PRKCH: variants seen among roughly 807,000 people sequenced by gnomAD.
PRKCH encodes protein kinase C eta.
Under a neutral mutation model 82.5 loss-of-function variants are expected in PRKCH, and 28 were observed. The observed-to-expected ratio is 0.34, with a 90% CI of 0.25 to 0.47. The LOEUF is 0.47. PRKCH is among the 20% of genes least tolerant of loss of function. The probability of loss-of-function intolerance (pLI) is 1.00; values close to 1 mark genes in which losing one functional copy is unlikely to be tolerated. For missense variants in PRKCH, 705 were observed against 881.8 expected, an observed-to-expected ratio of 0.80 and a Z score of 2.54; for synonymous variants, 322 against 327.4, an observed-to-expected ratio of 0.98 and a Z score of 0.18.
At chr14:61,205,608 A>G (rs778963152) in intron 1 of PRKCH, among the ~76,000 whole-genome samples, 7 of 151,862 alleles carry the variant, frequency 4.6e-5, no homozygotes, top group Non-Finnish European at 1.0e-4. Flanking sequence ...ACAGCTTCCC[A>G]CCTCCTCTTC....
In PRKCH at chr14:61,355,381, G is replaced by A. The variant is rs375214890; in HGVS notation, c.363+32917G>A. On this transcript the variant is annotated intron_variant, in intron 1 of 13. Transcript: ENST00000332981. ...GTTTCTTCAGCATCCCCTTTTTCCTGGTCTTATCTGATAGCTGTACCTATT... is the reference window on the plus strand; with the variant it reads ...GTTTCTTCAGCATCCCCTTTTTCCTAGTCTTATCTGATAGCTGTACCTATT... Among the ~76,000 whole-genome samples the A allele has an allele frequency of 4.7e-5, 7 of 149,042 alleles. No individual in the cohort carries two copies. In the East Asian group the frequency reaches 1.2e-3, roughly 25 times the overall value.
At chr14:61,407,725 A>C (rs1019793470) in intron 2 of PRKCH, among the ~76,000 whole-genome samples, 1 of 152,058 alleles carries the variant, frequency 6.6e-6, no homozygotes, top group Non-Finnish European at 1.5e-5. Flanking sequence ...TGAAGGTCAC[A>C]CTTAGGTACA....
Position 61,550,665 on chromosome 14 carries a change from C to T in PRKCH, c.*834C>T, listed in dbSNP as rs1055202008. On this transcript the variant is annotated 3_prime_UTR_variant, in exon 14 of 14. Transcript: ENST00000332981. ...TTCACAAGAAGGGTCACTGCCACAA[C>T]AGCACAGTCAGCGGGTGAATTACAG... The T allele has an allele frequency of 3.9e-5, 6 of 152,656 alleles. No homozygotes were observed. The highest frequency in any genetic ancestry group is 1.4e-4 in the African/African-American group (6 of 41,462). 9.5% of individuals were successfully genotyped at this position (152,656 alleles called of 1,614,324 possible).
At chr14:61,198,691 G>C (rs1202592367) in intron 1 of PRKCH, among the ~76,000 whole-genome samples, 4 of 152,264 alleles carry the variant, frequency 2.6e-5, no homozygotes, top group African/African-American at 9.6e-5. Context: ...AGACTTCCTA[G>C]TTAGGAGTTA....
At chr14:61,308,875 AGCGT>A in intron 1 of PRKCH, among the ~76,000 whole-genome samples, 1 of 151,990 alleles carries the variant, frequency 6.6e-6, no homozygotes, top group East Asian at 1.9e-4. Flanking sequence ...GCAATCCTCC[AGCGT>A]CAGCCTCCCA....
chr14:61,417,329 G>C (rs1766509144), intron 2 of PRKCH, among the ~76,000 whole-genome samples: 1 of 152,032 alleles, frequency 6.6e-6, no homozygotes, highest in Admixed American at 6.6e-5. Flanking sequence ...CTCATTGTTG[G>C]TCTAACTGAA....
intron 1 of PRKCH, among the ~76,000 whole-genome samples, chr14:61,257,621 ACACACACACCCC>A (rs112727964): frequency 0.028 from 1,580 of 57,098 alleles, 18 homozygotes; most frequent in African/African-American, 0.064. Flanking sequence ...ACACACACAC[ACACACACACCCC>A]CACACACACA....
intron 7 of PRKCH, among the ~76,000 whole-genome samples, chr14:61,455,550 G>A (rs1448885706): frequency 6.6e-6 from 1 of 152,180 alleles, no homozygotes; most frequent in Non-Finnish European, 1.5e-5. Flanking sequence ...TGCCAATATT[G>A]TGCGGGGATT....
chr14:61,497,810 T>C (rs1886735786), intron 10 of PRKCH, among the ~76,000 whole-genome samples: 1 of 152,066 alleles, frequency 6.6e-6, no homozygotes, highest in Non-Finnish European at 1.5e-5. Flanking sequence ...GCAGTTATGA[T>C]CAGAAGAGAC....
chr14:61,512,612 G>A lies in PRKCH; in HGVS notation c.1434-16463G>A, dbSNP rs149841833. Among the ~76,000 whole-genome samples the A allele has an allele frequency of 7.7e-3, 1,176 of 152,188 alleles. 23 individuals are homozygous for A. The highest frequency in any genetic ancestry group is 0.027 in the African/African-American group (1,118 of 41,488). On this transcript the variant is annotated intron_variant, in intron 10 of 13. Transcript: ENST00000332981. The stretch of plus-strand genomic sequence containing the variant: ...AATGCCTTTTTAAAAAATACCCAAA[G>A]CATCAAATGAGCTTTTCAGCTTGAT...
intron 10 of PRKCH, among the ~76,000 whole-genome samples, chr14:61,487,591 A>G (rs1391850809): frequency 6.6e-6 from 1 of 152,028 alleles, no homozygotes; most frequent in African/African-American, 2.4e-5. Flanking sequence ...GCTTGCCCCG[A>G]AGAGAGACGT....
At chr14:61,216,573 C>A (rs1193952063) in intron 1 of PRKCH, among the ~76,000 whole-genome samples, 1 of 152,182 alleles carries the variant, frequency 6.6e-6, no homozygotes, top group Non-Finnish European at 1.5e-5. Context: ...GTTTGCAGAA[C>A]TTCTGAAGGA....
At chr14:61,364,010 G>A (rs1326091768) in intron 1 of PRKCH, among the ~76,000 whole-genome samples, 5 of 146,576 alleles carry the variant, frequency 3.4e-5, no homozygotes, top group African/African-American at 1.2e-4. Context: ...ATATATTTGT[G>A]TGTATATATA....
chr14:61,543,407 A>C (rs1210623034), intron 12 of PRKCH: 2 of 152,196 alleles, frequency 1.3e-5, no homozygotes. Flanking sequence ...TGAGTCCCTG[A>C]GTTCTTGACC....
chr14:61,361,285 G>A (rs561161625), intron 1 of PRKCH: 5 of 152,302 alleles, frequency 3.3e-5, no homozygotes, highest in Admixed American at 2.6e-4. Context: ...TCCCCTTACT[G>A]AGGAACAGAA....
intron 1 of PRKCH, among the ~76,000 whole-genome samples, chr14:61,271,075 T>C (rs2045148679): frequency 6.6e-6 from 1 of 152,194 alleles, no homozygotes; most frequent in African/African-American, 2.4e-5. Flanking sequence ...CAGACTGTTA[T>C]TATCAGTGCT....
intron 1 of PRKCH, among the ~76,000 whole-genome samples, chr14:61,358,014 T>C (rs17098263): frequency 0.049 from 7,406 of 152,208 alleles, 523 homozygotes; most frequent in African/African-American, 0.16. Flanking sequence ...GCTGAATGCA[T>C]GACCATTTCT....
chr14:61,274,661 T>C (rs905302409), intron 1 of PRKCH, among the ~76,000 whole-genome samples: 3 of 152,116 alleles, frequency 2.0e-5, no homozygotes, highest in Admixed American at 6.6e-5. Flanking sequence ...CTTGAGGGGA[T>C]AGAGGAGTCA....
intron 5 of PRKCH, among the ~76,000 whole-genome samples, chr14:61,450,326 G>C (rs1884445747): frequency 6.6e-6 from 1 of 152,188 alleles, no homozygotes; most frequent in African/African-American, 2.4e-5. Flanking sequence ...GGCAAAGAAA[G>C]GCTGGAAGAG....
Sources: gnomAD v4.1 joint callset for allele counts (sites outside exome capture counted in the v4.1 genomes callset) on GRCh38, gnomAD v4.1.1 for gene constraint, MANE v1.5 for transcripts, NCBI Gene and HGNC (gene_info 2026-07-23, HGNC 2026-07-21) for gene names.